ARSF: variants seen among roughly 807,000 people sequenced by gnomAD.
ARSF encodes arylsulfatase F.
In ARSF, 33 loss-of-function variants were observed where a neutral mutation model predicts 35.4. The observed-to-expected ratio is 0.93, with a 90% confidence interval of 0.71 to 1.25. The LOEUF (loss-of-function observed/expected upper bound fraction) is 1.25. Among genes scored for constraint, ARSF ranks in the 50% most tolerant of loss-of-function variants. The pLI is 0.00. For synonymous variants in ARSF, 222 were observed against 193.1 expected (o/e 1.15, Z -1.24); for missense variants, 501 against 480.2 (o/e 1.04, Z -0.40).
At chrX:3,089,908 C>A (rs750248677) in intron 7 of ARSF, among the ~76,000 whole-genome samples, 2 of 112,213 alleles carry the variant, frequency 1.8e-5, no homozygotes, top group South Asian at 7.4e-4. Context: ...CAAATCAAAT[C>A]TTCTTTTCAA....
intron 1 of ARSF, among the ~76,000 whole-genome samples, chrX:3,043,032 G>T (rs1459246856): frequency 9.1e-6 from 1 of 110,011 alleles, no homozygotes; most frequent in African/African-American, 3.3e-5. Flanking sequence ...GCATGTGCCT[G>T]TAATCCCAGC....
chrX:3,080,343 G>A (rs976197224), intron 4 of ARSF, among the ~76,000 whole-genome samples: 12 of 109,646 alleles, frequency 1.1e-4, no homozygotes, highest in Non-Finnish European at 2.1e-4. Context: ...GTGTGGTGGC[G>A]TGCACCCATA....
intron 7 of ARSF, among the ~76,000 whole-genome samples, chrX:3,096,885 G>T (rs761931980): frequency 1.8e-5 from 2 of 111,232 alleles, no homozygotes; most frequent in East Asian, 5.6e-4. Flanking sequence ...TGGAAATAGG[G>T]TCGTTGCAGG....
intron 1 of ARSF, among the ~76,000 whole-genome samples, chrX:3,061,311 A>G (rs1054690107): frequency 9.0e-6 from 1 of 111,612 alleles, no homozygotes; most frequent in Non-Finnish European, 1.9e-5. Flanking sequence ...AGCACTAAAC[A>G]TGGAAAGGAA....
intron 7 of ARSF, among the ~76,000 whole-genome samples, chrX:3,091,260 T>C (rs980342152): frequency 4.5e-5 from 5 of 112,083 alleles, no homozygotes; most frequent in Non-Finnish European, 9.4e-5. Context: ...TCAGACTCTT[T>C]AGTGACATAG....
intron 6 of ARSF, among the ~76,000 whole-genome samples, chrX:3,085,201 C>T (rs1467099536): frequency 9.2e-6 from 1 of 109,160 alleles, no homozygotes; most frequent in East Asian, 2.8e-4. Context: ...GTAACTTAAA[C>T]TCACAAATTG....
intron 1 of ARSF, among the ~76,000 whole-genome samples, chrX:3,052,302 T>C (rs112788386): frequency 0.029 from 3,203 of 112,187 alleles, 43 homozygotes; most frequent in Middle Eastern, 0.065. Flanking sequence ...CTTTCACCTA[T>C]ATTTTGTCAA....
intron 6 of ARSF, among the ~76,000 whole-genome samples, chrX:3,086,325 G>T (rs1364589511): frequency 8.9e-6 from 1 of 112,298 alleles, no homozygotes; most frequent in Non-Finnish European, 1.9e-5. Context: ...GATGTACATT[G>T]TTCACCAAAA....
intron 1 of ARSF, 33 bp from the exon 2 acceptor site, chrX:3,068,040 T>C: frequency 1.9e-6 from 2 of 1,026,796 alleles, no homozygotes; most frequent in Admixed American, 6.5e-5. Flanking sequence ...TTTTTTTTGG[T>C]CTTTTAAATC....
intron 5 of ARSF, 26 bp downstream of exon 5, chrX:3,081,039 C>T (rs757425032): frequency 1.7e-6 from 2 of 1,204,018 alleles, no homozygotes; most frequent in Non-Finnish European, 2.2e-6. Flanking sequence ...TGGTGTTAGT[C>T]ATTGATCATA....
Position 3,077,000 on chromosome X carries a change from A to T in ARSF, c.283+331A>T, listed in dbSNP as rs2090157608. On this transcript the variant is annotated intron_variant, in intron 4 of 10. Transcript: ENST00000381127. ...GTTTGAGGCTGCAGTGAGTGTGATC[A>T]CAGCATTGCACTCTAGCCTCGTTGA... 3.6e-5 allele frequency among the ~76,000 whole-genome samples: 4 copies of T among 111,469 alleles called. No individual in the cohort carries two copies. In the Admixed American group the frequency reaches 3.8e-4, roughly 11 times the overall value.
At chrX:3,107,673 A>G (rs2090419530) in intron 9 of ARSF, among the ~76,000 whole-genome samples, 1 of 109,048 alleles carries the variant, frequency 9.2e-6, no homozygotes, top group African/African-American at 3.4e-5. Flanking sequence ...AAGAGTAATC[A>G]GGATGGTGTT....
intron 8 of ARSF, among the ~76,000 whole-genome samples, chrX:3,102,319 T>C (rs2090382278): frequency 8.9e-6 from 1 of 111,977 alleles, no homozygotes; most frequent in South Asian, 3.8e-4. Flanking sequence ...GCCCATTATA[T>C]GATTCTTATG....
At chrX:3,051,320 G>A (rs776662147) in intron 1 of ARSF, among the ~76,000 whole-genome samples, 1 of 111,970 alleles carries the variant, frequency 8.9e-6, no homozygotes, top group Non-Finnish European at 1.9e-5. Flanking sequence ...CATGTTCTCA[G>A]GATCTCCTGA....
At chrX:3,081,712 C>T (rs1425325325) in intron 5 of ARSF, among the ~76,000 whole-genome samples, 4 of 111,173 alleles carry the variant, frequency 3.6e-5, no homozygotes, top group Non-Finnish European at 7.5e-5. Flanking sequence ...TTTTCTGGCT[C>T]TGCCTGCCCG....
chrX:3,070,070 C>A (rs1457387466), intron 2 of ARSF, among the ~76,000 whole-genome samples: 1 of 111,820 alleles, frequency 8.9e-6, no homozygotes, highest in Non-Finnish European at 1.9e-5. Context: ...CCCCAGCTCC[C>A]AGCAGGCATC....
chrX:3,075,390 ATCTCTCTGTCTC>A lies in ARSF; in HGVS notation c.162-1138_162-1127del, dbSNP rs1199813797. Among the ~76,000 whole-genome samples the A allele has an allele frequency of 1.4e-3, 158 of 110,275 alleles. 1 individual carries two copies. Among genetic ancestry groups the A allele is most frequent in the African/African-American group, 4.9e-3 (150 of 30,338 alleles). On this transcript the variant is annotated intron_variant, in intron 3 of 10. Coordinates refer to ENST00000381127, the MANE Select transcript of ARSF (RefSeq NM_001201539.2). ...AAACAGAGATGTTGTTTATCTTCAG[ATCTCTCTGTCTC>A]TCTCTCTGTCTCTCTCTCTCCTCTT...
intron 8 of ARSF, among the ~76,000 whole-genome samples, chrX:3,102,946 C>T (rs777841690): frequency 3.6e-5 from 4 of 111,060 alleles, no homozygotes; most frequent in Admixed American, 9.6e-5. Context: ...CATGCCATGA[C>T]ATAATGTAGA....
chrX:3,051,251 G>T (rs746792338), intron 1 of ARSF, among the ~76,000 whole-genome samples: 3 of 111,648 alleles, frequency 2.7e-5, no homozygotes, highest in African/African-American at 9.8e-5. Context: ...TGTATTGAGG[G>T]GTGTCTTATG....
Sources: gnomAD v4.1 joint callset for allele counts (sites outside exome capture counted in the v4.1 genomes callset) on GRCh38, gnomAD v4.1.1 for gene constraint, MANE v1.5 for transcripts, NCBI Gene and HGNC (gene_info 2026-07-23, HGNC 2026-07-21) for gene names.